The following KCNJ3 variants were observed in gnomAD, a reference collection of about 807,000 sequenced individuals.
The protein encoded by KCNJ3 is potassium inwardly rectifying channel subfamily J member 3.
KCNJ3 carries 4 observed loss-of-function variants against 39.2 expected under a neutral mutation model. The observed-to-expected ratio is 0.10, with a 90% confidence interval of 0.05 to 0.23. The LOEUF (loss-of-function observed/expected upper bound fraction) is 0.23, where lower values mean the gene tolerates loss of function less well. KCNJ3 is among the 10% of genes least tolerant of loss of function. The pLI is 1.00. For missense variants in KCNJ3, 276 were observed against 634.9 expected (o/e 0.43, Z 6.08); for synonymous variants, 230 against 237.4 (o/e 0.97, Z 0.29).
intron 2 of KCNJ3, among the ~76,000 whole-genome samples, chr2:154,745,310 A>G (rs1228989183): frequency 1.3e-5 from 2 of 152,010 alleles, no homozygotes; most frequent in Admixed American, 1.3e-4. Flanking sequence ...TTGTGGAAAG[A>G]CAGGTGCAAA....
chr2:154,808,332 C>T (rs1222316353), intron 2 of KCNJ3, among the ~76,000 whole-genome samples: 1 of 151,896 alleles, frequency 6.6e-6, no homozygotes, highest in African/African-American at 2.4e-5. Context: ...CCACCTGCCT[C>T]AGCCTCTCAA....
At chr2:154,769,974 A>T (rs1686209210) in intron 2 of KCNJ3, among the ~76,000 whole-genome samples, 1 of 152,196 alleles carries the variant, frequency 6.6e-6, no homozygotes, top group African/African-American at 2.4e-5. Context: ...TAAAAAATTC[A>T]AGCCTTTTAA....
intron 2 of KCNJ3, among the ~76,000 whole-genome samples, chr2:154,756,507 C>CT (rs1238732161): frequency 6.6e-6 from 1 of 152,002 alleles, no homozygotes; most frequent in African/African-American, 2.4e-5. Context: ...ATCCTTAATG[C>CT]TATCCCTCCC....
chr2:154,841,242 A>C (rs966857998), intron 2 of KCNJ3, among the ~76,000 whole-genome samples: 2 of 152,140 alleles, frequency 1.3e-5, no homozygotes, highest in Admixed American at 6.6e-5. Flanking sequence ...ACAGTGATTG[A>C]TTTGCATATG....
chr2:154,730,959 AAAG>A (rs1189456196), intron 2 of KCNJ3, among the ~76,000 whole-genome samples: 1 of 152,116 alleles, frequency 6.6e-6, no homozygotes, highest in Non-Finnish European at 1.5e-5. Context: ...TTTTTTCTAA[AAAG>A]AAGTAAGAAT....
intron 2 of KCNJ3, among the ~76,000 whole-genome samples, chr2:154,851,673 T>C (rs1002173382): frequency 4.6e-5 from 7 of 152,322 alleles, no homozygotes; most frequent in African/African-American, 1.7e-4. Context: ...TAAAGTTAAT[T>C]TTATCTAGTA....
intron 2 of KCNJ3, among the ~76,000 whole-genome samples, chr2:154,795,493 T>A (rs912132641): frequency 6.6e-5 from 10 of 152,060 alleles, no homozygotes; most frequent in African/African-American, 2.4e-4. Context: ...TTCCACAGTT[T>A]TAGAGGAAAA....
chr2:154,713,631 T>A (rs1016026652), intron 2 of KCNJ3, among the ~76,000 whole-genome samples: 1 of 152,200 alleles, frequency 6.6e-6, no homozygotes, highest in Non-Finnish European at 1.5e-5. Flanking sequence ...TTGCTTCAAA[T>A]GAGTTGGATT....
chr2:154,799,597 A>C (rs1686776531), intron 2 of KCNJ3, among the ~76,000 whole-genome samples: 1 of 152,072 alleles, frequency 6.6e-6, no homozygotes, highest in African/African-American at 2.4e-5. Flanking sequence ...GACAGCCCAA[A>C]GCCTCAATCT....
At chr2:154,721,126 T>C (rs1407824500) in intron 2 of KCNJ3, among the ~76,000 whole-genome samples, 2 of 152,096 alleles carry the variant, frequency 1.3e-5, no homozygotes, top group Admixed American at 6.6e-5. Context: ...TAAACTCATA[T>C]GATTTATTCT....
In KCNJ3 at chr2:154,802,194, T is replaced by C. The variant is rs143876942; in HGVS notation, c.920-52533T>C. Among the ~76,000 whole-genome samples, 446 of 152,180 alleles carry C rather than the reference T, an allele frequency of 2.9e-3. 4 individuals carry two copies. The highest frequency in any genetic ancestry group is 0.01 in the African/African-American group (432 of 41,542). Reference sequence around the variant, plus strand: ...GTTTTTAAGGATTTGGGGAGTTTTTTTTTTTCTAAGACAACAAGTTTTCTC... The same window carrying C: ...GTTTTTAAGGATTTGGGGAGTTTTTCTTTTTCTAAGACAACAAGTTTTCTC... On this transcript the variant is annotated intron_variant, in intron 2 of 2. Transcript: ENST00000295101.
Position 154,698,814 on chromosome 2 carries a change from G to A in KCNJ3, c.39G>A (p.Gln13=). 1.2e-6 allele frequency: 2 copies of A among 1,613,822 alleles called. No homozygotes were observed. The highest frequency in any genetic ancestry group is 1.7e-6 in the Non-Finnish European group (2 of 1,179,826). The change falls in exon 1 of 3, where the codon CAG becomes CAA. Residue 13 remains glutamine, a synonymous_variant. Coordinates refer to ENST00000295101, the MANE Select transcript of KCNJ3 (RefSeq NM_002239.4). Reference sequence around the variant, plus strand: ...GAAGGAAATTTGGGGACGATTATCAGGTAGTGACCACATCGTCCAGCGGCT... The same window carrying A: ...GAAGGAAATTTGGGGACGATTATCAAGTAGTGACCACATCGTCCAGCGGCT... The part of the protein sequence containing the change: ...ALRRKFGDDY[Q]VVTTSSSGSG...
chr2:154,747,256 A>G (rs796513743), intron 2 of KCNJ3, among the ~76,000 whole-genome samples: 10 of 151,988 alleles, frequency 6.6e-5, no homozygotes, highest in African/African-American at 2.4e-4. Context: ...TTTTACTCGT[A>G]TGTCAGTATG....
chr2:154,767,940 A>T (rs1199906657), intron 2 of KCNJ3, among the ~76,000 whole-genome samples: 2 of 152,308 alleles, frequency 1.3e-5, no homozygotes, highest in African/African-American at 4.8e-5. Flanking sequence ...ATGGCCAGTG[A>T]TGGTGAGCAT....
chr2:154,762,768 A>T (rs528755198), intron 2 of KCNJ3, among the ~76,000 whole-genome samples: 1 of 152,312 alleles, frequency 6.6e-6, no homozygotes, highest in East Asian at 1.9e-4. Context: ...CAAATTGGTA[A>T]TGACAATGGA....
At chr2:154,736,230 A>G (rs1342186187) in intron 2 of KCNJ3, among the ~76,000 whole-genome samples, 1 of 151,998 alleles carries the variant, frequency 6.6e-6, no homozygotes, top group East Asian at 1.9e-4. Flanking sequence ...TAATCATTGC[A>G]GCTCTTATTG....
chr2:154,825,250 G>T (rs1372207126), intron 2 of KCNJ3, among the ~76,000 whole-genome samples: 1 of 151,970 alleles, frequency 6.6e-6, no homozygotes, highest in African/African-American at 2.4e-5. Context: ...TCATGCTCAG[G>T]GTGAATGCCC....
rs1294488352 is a variant in KCNJ3 at position 154,856,096 on chromosome 2, ATAG to A, written c.*784_*786del. On this transcript the variant is annotated 3_prime_UTR_variant, in exon 3 of 3. Coordinates refer to ENST00000295101, the MANE Select transcript of KCNJ3 (RefSeq NM_002239.4). ...ATTTTAGAGCATACCAGTACTCAGT[ATAG>A]CATTGAACATTTCTTATGATTTTTA... 1 of 152,576 alleles carries A rather than the reference ATAG, an allele frequency of 6.6e-6. No individual in the cohort carries two copies. The highest frequency in any genetic ancestry group is 2.4e-5 in the African/African-American group (1 of 41,448). 9.5% of individuals were successfully genotyped at this position (152,576 alleles called of 1,614,324 possible).
intron 2 of KCNJ3, among the ~76,000 whole-genome samples, chr2:154,805,291 G>T (rs1209397039): frequency 6.6e-6 from 1 of 152,094 alleles, no homozygotes; most frequent in Admixed American, 6.6e-5. Context: ...CATCAGCCTG[G>T]GGTAGGCAGA....
Sources: allele counts gnomAD v4.1 joint callset (sites outside exome capture counted in the v4.1 genomes callset), GRCh38; gene constraint gnomAD v4.1.1; transcripts MANE v1.5; gene names NCBI Gene and HGNC (gene_info 2026-07-23, HGNC 2026-07-21).